ADAMTS6: variants seen among roughly 807,000 people sequenced by gnomAD.
The protein encoded by ADAMTS6 is ADAM metallopeptidase with thrombospondin type 1 motif 6.
ADAMTS6 carries 23 observed loss-of-function variants against 144.3 expected under a neutral mutation model. The observed-to-expected ratio is 0.16, with a 90% CI of 0.11 to 0.23. The LOEUF is 0.23. Among genes scored for constraint, ADAMTS6 ranks in the 10% least tolerant of loss-of-function variants. The pLI is 1.00. For synonymous variants in ADAMTS6, 444 were observed against 457.5 expected (o/e 0.97, Z 0.38); for missense variants, 999 against 1,379.6 (o/e 0.72, Z 4.37).
At chr5:65,215,827 A>G (rs1236558068) in intron 18 of ADAMTS6, among the ~76,000 whole-genome samples, 3 of 152,200 alleles carry the variant, frequency 2.0e-5, no homozygotes, top group Non-Finnish European at 4.4e-5. Flanking sequence ...ATACTGAAAT[A>G]GTAATTAAAT....
chr5:65,381,778 T>A (rs1168162331), intron 7 of ADAMTS6, among the ~76,000 whole-genome samples: 1 of 151,918 alleles, frequency 6.6e-6, no homozygotes, highest in Non-Finnish European at 1.5e-5. Context: ...TCATAGAGTT[T>A]AAAAAAATGA....
chr5:65,236,566 C>T (rs1336744214), intron 15 of ADAMTS6, among the ~76,000 whole-genome samples: 2 of 152,132 alleles, frequency 1.3e-5, no homozygotes, highest in Non-Finnish European at 2.9e-5. Context: ...AGATTACAGG[C>T]ATGAGCCACC....
chr5:65,330,403 C>G (rs1746597938), intron 8 of ADAMTS6, among the ~76,000 whole-genome samples: 1 of 151,916 alleles, frequency 6.6e-6, no homozygotes, highest in Non-Finnish European at 1.5e-5. Context: ...CACATAGAAA[C>G]AAAAAGTTAT....
intron 20 of ADAMTS6, among the ~76,000 whole-genome samples, chr5:65,203,616 T>A (rs957144193): frequency 6.6e-6 from 1 of 152,156 alleles, no homozygotes. Flanking sequence ...TATTTCAAAT[T>A]TGAGTTAAAA....
chr5:65,425,858 G>A (rs568101286), intron 7 of ADAMTS6, among the ~76,000 whole-genome samples: 19 of 151,458 alleles, frequency 1.3e-4, no homozygotes, highest in Admixed American at 3.9e-4. Context: ...CCGCCTCCTG[G>A]GTTCACGCCA....
In ADAMTS6 at chr5:65,224,187, A is replaced by C. The variant is rs1407433931; in HGVS notation, c.2272+133T>G. On this transcript the variant is annotated intron_variant, in intron 18 of 24. Transcript: ENST00000381055. ...TTAGCATTGTATATGTGTTCTATAA[A>C]ACTTAGAGCTTACTTCATTTTAGCA... 1.8e-5 allele frequency: 13 copies of C among 705,900 alleles called. No homozygotes were observed. In the Admixed American group the frequency reaches 3.0e-4, roughly 16 times the overall value. The allele number at this position is 705,900 out of a possible 1,614,324, so 43.7% of individuals were successfully genotyped here.
chr5:65,170,787 C>T lies in ADAMTS6; in HGVS notation c.3088-14G>A, dbSNP rs1255567842. ...CTGAGCAGAACACTAAATCCAAAGA[C>T]ACAAAGAAACAAAATATTAATCTCA... is the stretch of plus-strand genomic sequence containing the variant. On this transcript the variant is annotated splice_polypyrimidine_tract_variant and intron_variant, in intron 23 of 24. Transcript: ENST00000381055. 22 of 1,601,462 alleles carry T rather than the reference C, an allele frequency of 1.4e-5. No individual in the cohort carries two copies. Among genetic ancestry groups the T allele is most frequent in the Non-Finnish European group, 1.7e-5 (20 of 1,172,156 alleles).
At chr5:65,299,206 C>T (rs1482336860) in intron 10 of ADAMTS6, among the ~76,000 whole-genome samples, 1 of 152,080 alleles carries the variant, frequency 6.6e-6, no homozygotes, top group African/African-American at 2.4e-5. Flanking sequence ...TACATTATAG[C>T]ATGACATATA....
At chr5:65,254,296 G>A (rs1760468193) in intron 14 of ADAMTS6, among the ~76,000 whole-genome samples, 1 of 151,914 alleles carries the variant, frequency 6.6e-6, no homozygotes, top group Non-Finnish European at 1.5e-5. Context: ...ATCTCTTTCC[G>A]CAAAATTGCA....
chr5:65,389,670 T>C (rs771892820), intron 7 of ADAMTS6, among the ~76,000 whole-genome samples: 6 of 151,950 alleles, frequency 3.9e-5, no homozygotes, highest in Non-Finnish European at 7.4e-5. Context: ...CCATCCTTTT[T>C]TCCCCCCTAT....
intron 7 of ADAMTS6, among the ~76,000 whole-genome samples, chr5:65,414,452 C>G (rs779694154): frequency 2.0e-5 from 3 of 151,820 alleles, no homozygotes; most frequent in African/African-American, 7.3e-5. Context: ...AAAGATTTTG[C>G]CCCCCTACAC....
chr5:65,308,830 T>A (rs1744201306), intron 9 of ADAMTS6, among the ~76,000 whole-genome samples: 2 of 152,180 alleles, frequency 1.3e-5, no homozygotes, highest in South Asian at 4.2e-4. Context: ...GATTCCAAAA[T>A]TAATATAGGA....
chr5:65,373,898 A>G (rs908139962), intron 7 of ADAMTS6, among the ~76,000 whole-genome samples: 125 of 152,306 alleles, frequency 8.2e-4, no homozygotes, highest in Non-Finnish European at 1.5e-3. Context: ...CACATCAAAA[A>G]GCTTATCTGC....
intron 22 of ADAMTS6, among the ~76,000 whole-genome samples, chr5:65,174,539 T>G (rs1030758561): frequency 1.6e-4 from 25 of 152,306 alleles, no homozygotes; most frequent in Non-Finnish European, 3.1e-4. Flanking sequence ...GAACTGGCAC[T>G]TGGAGTCTGG....
At chr5:65,353,769 T>G (rs191880694) in intron 7 of ADAMTS6, among the ~76,000 whole-genome samples, 41 of 152,088 alleles carry the variant, frequency 2.7e-4, no homozygotes, top group Admixed American at 7.9e-4. Context: ...ACACAAGCTT[T>G]CTTTCTTTGG....
intron 14 of ADAMTS6, among the ~76,000 whole-genome samples, chr5:65,258,829 T>C (rs1426369082): frequency 6.6e-6 from 1 of 152,206 alleles, no homozygotes; most frequent in African/African-American, 2.4e-5. Flanking sequence ...GGGATAACAG[T>C]TGGACATGTT....
At chr5:65,417,261 C>T (rs1368116789) in intron 7 of ADAMTS6, among the ~76,000 whole-genome samples, 5 of 152,172 alleles carry the variant, frequency 3.3e-5, no homozygotes, top group African/African-American at 7.2e-5. Context: ...GACAAACCCA[C>T]AGCCAACATC....
intron 11 of ADAMTS6, among the ~76,000 whole-genome samples, chr5:65,289,722 A>C (rs1051306949): frequency 2.6e-5 from 4 of 152,146 alleles, no homozygotes; most frequent in Admixed American, 6.5e-5. Context: ...ATTCTATAAA[A>C]CTGAATAAAT....
chr5:65,382,379 C>A (rs754439370), intron 7 of ADAMTS6, among the ~76,000 whole-genome samples: 14 of 152,302 alleles, frequency 9.2e-5, no homozygotes, highest in African/African-American at 2.4e-5. Context: ...ATTTGAGCCC[C>A]ACACTCTCCT....
Sources: allele counts gnomAD v4.1 joint callset (sites outside exome capture counted in the v4.1 genomes callset), GRCh38; gene constraint gnomAD v4.1.1; transcripts MANE v1.5; gene names NCBI Gene and HGNC (gene_info 2026-07-23, HGNC 2026-07-21).